The following THUMPD2 variants were observed in gnomAD, a reference collection of about 807,000 sequenced individuals.
THUMPD2 encodes U6 snRNA (guanine-N(2))-methyltransferase THUMPD2.
Under a neutral mutation model 49.4 loss-of-function variants are expected in THUMPD2, and 56 were observed. The ratio of observed to expected loss-of-function variants is 1.13; its 90% confidence interval spans 0.91 to 1.41. The LOEUF (loss-of-function observed/expected upper bound fraction) is 1.41. Among genes scored for constraint, THUMPD2 ranks in the 40% most tolerant of loss-of-function variants. The pLI is 0.00. For synonymous variants in THUMPD2, 237 were observed against 205.2 expected (o/e 1.15, Z -1.32); for missense variants, 709 against 594.5 (o/e 1.19, Z -2.00).
At chr2:39,769,527 C>T (rs557472927) in intron 3 of THUMPD2, 183 bp downstream of exon 3, 2 of 515,500 alleles carry the variant, frequency 3.9e-6, no homozygotes, top group Admixed American at 7.8e-5. Flanking sequence ...TATGGTGAAA[C>T]CCTGTCTCTA....
chr2:39,745,862 A>G (rs1267914207), intron 8 of THUMPD2, among the ~76,000 whole-genome samples: 1 of 152,238 alleles, frequency 6.6e-6, no homozygotes, highest in African/African-American at 2.4e-5. Context: ...TCATCTTCCA[A>G]TAGAGCATAA....
intron 1 of THUMPD2, among the ~76,000 whole-genome samples, chr2:39,778,764 A>T (rs1168867469): frequency 6.6e-6 from 1 of 152,268 alleles, no homozygotes; most frequent in Non-Finnish European, 1.5e-5. Flanking sequence ...GAACTTGGAG[A>T]TTATGTTTGC....
At chr2:39,738,602 A>T (rs948286315) in intron 9 of THUMPD2, among the ~76,000 whole-genome samples, 4 of 134,998 alleles carry the variant, frequency 3.0e-5, no homozygotes, top group South Asian at 2.2e-4. Context: ...CATATGTAAA[A>T]ATATATATAT....
intron 8 of THUMPD2, among the ~76,000 whole-genome samples, chr2:39,749,250 C>T (rs1410073600): frequency 1.3e-5 from 2 of 152,026 alleles, no homozygotes; most frequent in Non-Finnish European, 2.9e-5. Context: ...CAGAAAAAAA[C>T]CCTATGAAAT....
chr2:39,773,372 G>A (rs1299807692), intron 1 of THUMPD2, among the ~76,000 whole-genome samples: 2 of 151,620 alleles, frequency 1.3e-5, no homozygotes, highest in South Asian at 2.1e-4. Flanking sequence ...TTCAAATTCT[G>A]TAAACAAGTA....
At chr2:39,768,859 C>G (rs1405656633) in intron 3 of THUMPD2, 1 of 1,254,508 alleles carries the variant, frequency 8.0e-7, no homozygotes, top group Admixed American at 2.3e-5. Flanking sequence ...TACTATAAGC[C>G]TATGTGTTTA....
intron 8 of THUMPD2, among the ~76,000 whole-genome samples, chr2:39,748,983 C>T (rs1026872676): frequency 1.3e-5 from 2 of 150,404 alleles, no homozygotes; most frequent in Non-Finnish European, 3.0e-5. Flanking sequence ...AAGTCTCTCT[C>T]TTAAAAAAAA....
chr2:39,753,741 C>T (rs1273956969), intron 8 of THUMPD2, among the ~76,000 whole-genome samples: 2 of 152,186 alleles, frequency 1.3e-5, no homozygotes, highest in East Asian at 3.9e-4. Context: ...ATTCTGTTGG[C>T]TCTGTCTGCC....
intron 1 of THUMPD2, among the ~76,000 whole-genome samples, chr2:39,773,531 T>A (rs371059266): frequency 2.5e-4 from 36 of 144,296 alleles, no homozygotes; most frequent in African/African-American, 8.7e-4. Flanking sequence ...CACACACACA[T>A]ATATAAAATA....
Position 39,736,881 on chromosome 2 carries a change from T to C in THUMPD2, c.1366A>G (p.Thr456Ala). Residue 456 changes from threonine (T) to alanine (A), a missense_variant, in exon 10 of 10, where the codon ACT becomes GCT. Physicochemically the swap from Thr to Ala is moderately conservative, Grantham distance 58 (BLOSUM62 0). Coordinates refer to ENST00000505747, the MANE Select transcript of THUMPD2 (RefSeq NM_025264.5). The part of the protein sequence containing the change: ...EKTGAFKTAS[T>A]SFEASNHKFL... ...TTGTGGTTACTGGCTTCGAATGAAG[T>C]TGACGCTGTCTTGAATGCACCAGTT... is the stretch of plus-strand genomic sequence containing the variant. The C allele has an allele frequency of 1.2e-6, 2 of 1,614,240 alleles. No individual in the cohort carries two copies. The highest frequency in any genetic ancestry group is 1.7e-6 in the Non-Finnish European group (2 of 1,180,026).
intron 9 of THUMPD2, among the ~76,000 whole-genome samples, chr2:39,739,970 G>GT (rs1485996408): frequency 6.6e-6 from 1 of 152,084 alleles, no homozygotes; most frequent in African/African-American, 2.4e-5. Flanking sequence ...CTAAGAAGAT[G>GT]TAATAGTAGT....
chr2:39,752,077 C>G (rs1209815428), intron 8 of THUMPD2, among the ~76,000 whole-genome samples: 1 of 152,158 alleles, frequency 6.6e-6, no homozygotes, highest in South Asian at 2.1e-4. Context: ...TTAATGCACA[C>G]AGAGGCTGAA....
At position 39,736,086 on chromosome 2, in the gene THUMPD2, T is replaced by C. The variant is rs1673054724; in HGVS notation, c.*649A>G. On this transcript the variant is annotated 3_prime_UTR_variant, in exon 10 of 10. Transcript: ENST00000505747. ...TTCTCCTCAAACTTACTGTTTCTTT[T>C]TCTCAGGTAGTGAACATAAGCAACA... is the stretch of plus-strand genomic sequence containing the variant. 6.6e-6 allele frequency: 1 copy of C among 152,232 alleles called. No individual in the cohort carries two copies. The allele number at this position is 152,232 out of a possible 1,614,324, so 9.4% of individuals were successfully genotyped here.
At chr2:39,742,709 C>T (rs894637010) in intron 9 of THUMPD2, among the ~76,000 whole-genome samples, 2 of 152,312 alleles carry the variant, frequency 1.3e-5, no homozygotes, top group South Asian at 4.1e-4. Flanking sequence ...TTAACTCTGG[C>T]TGCACTACAG....
At chr2:39,749,378 C>T (rs1158079450) in intron 8 of THUMPD2, among the ~76,000 whole-genome samples, 1 of 152,192 alleles carries the variant, frequency 6.6e-6, no homozygotes, top group African/African-American at 2.4e-5. Context: ...CTGCAAAGGT[C>T]TTCTGCTAAT....
At chr2:39,764,167 C>G (rs768750094) in intron 5 of THUMPD2, among the ~76,000 whole-genome samples, 1 of 152,162 alleles carries the variant, frequency 6.6e-6, no homozygotes, top group Non-Finnish European at 1.5e-5. Flanking sequence ...TAACTCTAAT[C>G]AAGCATTTAT....
chr2:39,757,826 G>A (rs1438084403), intron 6 of THUMPD2, among the ~76,000 whole-genome samples: 1 of 152,128 alleles, frequency 6.6e-6, no homozygotes, highest in African/African-American at 2.4e-5. Context: ...CATTTTTAGT[G>A]GCACTGGCCT....
chr2:39,758,675 T>G (rs1362273024), intron 6 of THUMPD2, among the ~76,000 whole-genome samples: 1 of 152,172 alleles, frequency 6.6e-6, no homozygotes, highest in Non-Finnish European at 1.5e-5. Flanking sequence ...GAGATCCATT[T>G]GCCTTTTACC....
intron 6 of THUMPD2, 127 bp from the exon 7 acceptor site, chr2:39,756,087 G>C: frequency 1.3e-6 from 1 of 799,272 alleles, no homozygotes; most frequent in Non-Finnish European, 2.1e-6. Flanking sequence ...GGTGGCTGAA[G>C]GGACAGATGG....
Sources: allele counts gnomAD v4.1 joint callset (sites outside exome capture counted in the v4.1 genomes callset), GRCh38; gene constraint gnomAD v4.1.1; transcripts MANE v1.5; gene names NCBI Gene and HGNC (gene_info 2026-07-23, HGNC 2026-07-21).